The following SGCD variants were observed in gnomAD, a reference collection of about 807,000 sequenced individuals.
SGCD encodes the protein sarcoglycan delta.
In SGCD, 18 loss-of-function variants were observed where a neutral mutation model predicts 36.6. That is an observed-to-expected ratio of 0.49 (90% CI 0.34 to 0.73). The LOEUF is 0.73. SGCD is among the 30% of genes least tolerant of loss of function. SGCD has a pLI of 0.01. For synonymous variants in SGCD, 133 were observed against 130.6 expected, an observed-to-expected ratio of 1.02 and a Z score of -0.12; for missense variants, 387 against 346.7, an observed-to-expected ratio of 1.12 and a Z score of -0.92.
At chr5:156,370,449 T>A (rs1770323484) in intron 3 of SGCD, among the ~76,000 whole-genome samples, 2 of 152,168 alleles carry the variant, frequency 1.3e-5, no homozygotes, top group African/African-American at 4.8e-5. Context: ...ATGAGGAAAC[T>A]GAGACTTGGA....
At chr5:155,813,012 T>C in the SGCD span, among the ~76,000 whole-genome samples, 1 of 151,992 alleles carries the variant, frequency 6.6e-6, no homozygotes, top group Non-Finnish European at 1.5e-5. Context: ...TTTTTAGTTG[T>C]AGAGCTAATT....
intron 1 of SGCD, among the ~76,000 whole-genome samples, chr5:155,985,746 T>G (rs1048123942): frequency 6.6e-6 from 1 of 152,162 alleles, no homozygotes; most frequent in African/African-American, 2.4e-5. Flanking sequence ...CCTCAAACCA[T>G]TTAAAATAAT....
chr5:156,668,555 G>A (rs999244061), intron 7 of SGCD, among the ~76,000 whole-genome samples: 1 of 152,152 alleles, frequency 6.6e-6, no homozygotes, highest in Non-Finnish European at 1.5e-5. Flanking sequence ...TTTTACAAAT[G>A]TGACAGAAAT....
chr5:156,489,084 T>A (rs1305579916), intron 3 of SGCD, among the ~76,000 whole-genome samples: 3 of 152,042 alleles, frequency 2.0e-5, no homozygotes, highest in African/African-American at 7.2e-5. Context: ...TTTTCTTATA[T>A]CAGATAAAAC....
the SGCD span, among the ~76,000 whole-genome samples, chr5:155,801,183 T>C: frequency 1.3e-5 from 2 of 152,154 alleles, no homozygotes; most frequent in South Asian, 2.1e-4. Flanking sequence ...AGTTTGGTTG[T>C]TGGAATATCC....
At chr5:155,745,442 C>T in the SGCD span, among the ~76,000 whole-genome samples, 8 of 152,120 alleles carry the variant, frequency 5.3e-5, no homozygotes, top group African/African-American at 1.9e-4. Flanking sequence ...TTCTGTCTTC[C>T]TCTCTCTCCC....
intron 3 of SGCD, among the ~76,000 whole-genome samples, chr5:156,232,017 T>C (rs1765032285): frequency 6.6e-6 from 1 of 152,154 alleles, no homozygotes; most frequent in South Asian, 2.1e-4. Context: ...GAACATTAGA[T>C]GGAAGGACTG....
At chr5:156,236,213 T>C (rs552425966) in intron 3 of SGCD, among the ~76,000 whole-genome samples, 1 of 152,308 alleles carries the variant, frequency 6.6e-6, no homozygotes, top group South Asian at 2.1e-4. Context: ...ATGTTCTATA[T>C]TTGAGAATAG....
At chr5:156,096,856 ACTT>A (rs1299127534) in intron 1 of SGCD, among the ~76,000 whole-genome samples, 3 of 152,160 alleles carry the variant, frequency 2.0e-5, no homozygotes, top group Non-Finnish European at 4.4e-5. Context: ...TGTTTGGAGA[ACTT>A]CTTTTAGTAA....
intron 3 of SGCD, among the ~76,000 whole-genome samples, chr5:156,241,908 TTGGGGTTGGGAGAGA>T (rs946210433): frequency 2.0e-5 from 3 of 152,124 alleles, no homozygotes; most frequent in Admixed American, 2.0e-4. Context: ...CTATCCATGC[TTGGGGTTGGGAGAGA>T]TGGGCTAAAT....
At chr5:156,105,574 G>A (rs1313331014) in intron 1 of SGCD, among the ~76,000 whole-genome samples, 1 of 152,090 alleles carries the variant, frequency 6.6e-6, no homozygotes, top group African/African-American at 2.4e-5. Flanking sequence ...AATGAGCTCA[G>A]CTCATTATTA....
intron 2 of SGCD, among the ~76,000 whole-genome samples, chr5:156,341,843 C>T (rs538687650): frequency 2.6e-5 from 4 of 152,202 alleles, no homozygotes; most frequent in Admixed American, 1.3e-4. Context: ...TCCCAAGTAA[C>T]TGGGATTACA....
the SGCD span, among the ~76,000 whole-genome samples, chr5:155,780,322 C>T: frequency 6.6e-6 from 1 of 152,094 alleles, no homozygotes; most frequent in Admixed American, 6.6e-5. Flanking sequence ...TGTATGTGCT[C>T]CAACAGGATT....
chr5:156,518,480 A>C (rs573348889), intron 4 of SGCD, among the ~76,000 whole-genome samples: 337 of 152,328 alleles, frequency 2.2e-3, no homozygotes, highest in African/African-American at 7.8e-3. Context: ...GCTCTGGATC[A>C]AGTGGGCCTG....
At chr5:155,934,312 G>T (rs1757154922) in intron 1 of SGCD, among the ~76,000 whole-genome samples, 1 of 152,202 alleles carries the variant, frequency 6.6e-6, no homozygotes. Context: ...CGTGAAAATG[G>T]CCTGACTTAG....
intron 1 of SGCD, among the ~76,000 whole-genome samples, chr5:155,956,799 C>G (rs929457233): frequency 2.9e-5 from 2 of 69,412 alleles, no homozygotes; most frequent in Non-Finnish European, 7.6e-5. Context: ...GACTCAGGGC[C>G]CCCCCCCCCG....
intron 1 of SGCD, among the ~76,000 whole-genome samples, chr5:156,040,163 T>C (rs941103178): frequency 1.3e-5 from 2 of 152,210 alleles, no homozygotes; most frequent in African/African-American, 4.8e-5. Context: ...GTCATCACCA[T>C]CATCATTGGT....
chr5:156,229,412 C>T (rs1292381787), intron 3 of SGCD, among the ~76,000 whole-genome samples: 7 of 150,276 alleles, frequency 4.7e-5, no homozygotes, highest in African/African-American at 1.7e-4. Flanking sequence ...CTTATCTTTC[C>T]TTCATATATG....
chr5:156,374,105 G>A (rs1379397317), intron 3 of SGCD, among the ~76,000 whole-genome samples: 1 of 150,794 alleles, frequency 6.6e-6, no homozygotes. Flanking sequence ...GATTAATAAT[G>A]CTACAGAGAG....
Sources: allele counts gnomAD v4.1 joint callset (sites outside exome capture counted in the v4.1 genomes callset), GRCh38; gene constraint gnomAD v4.1.1; transcripts MANE v1.5; gene names NCBI Gene and HGNC (gene_info 2026-07-23, HGNC 2026-07-21).